PDZD9: variants seen among roughly 807,000 people sequenced by gnomAD.
PDZD9 encodes the protein PDZ domain containing 9.
PDZD9 carries 13 observed loss-of-function variants against 16.3 expected under a neutral mutation model. The observed-to-expected ratio is 0.80, with a 90% CI of 0.52 to 1.27. The LOEUF (loss-of-function observed/expected upper bound fraction) is 1.27, where lower values mean the gene tolerates loss of function less well. Among genes scored for constraint, PDZD9 ranks in the 50% most tolerant of loss-of-function variants. The probability of loss-of-function intolerance (pLI) is 0.00; values close to 1 mark genes in which losing one functional copy is unlikely to be tolerated. For missense variants in PDZD9, 288 were observed against 310.9 expected (o/e 0.93, Z 0.55); for synonymous variants, 120 against 111.0 (o/e 1.08, Z -0.51).
the PDZD9 span, chr16:21,962,969 C>T: frequency 6.9e-7 from 1 of 1,459,366 alleles, no homozygotes; most frequent in East Asian, 2.4e-5. Context: ...AAATTGCTGT[C>T]AAAATTTTTA....
the PDZD9 span, chr16:21,962,350 T>C: frequency 5.9e-6 from 8 of 1,348,854 alleles, no homozygotes; most frequent in East Asian, 1.6e-4. Context: ...TGTTCGCACC[T>C]TTTATACTTC....
At chr16:21,963,082 G>A in the PDZD9 span, 2 of 507,266 alleles carry the variant, frequency 3.9e-6, no homozygotes, top group South Asian at 3.0e-5. Context: ...TCCAGCTCCC[G>A]GGTTCAAGCA....
Position 21,984,245 on chromosome 16 carries a change from T to C in PDZD9, c.*22A>G. The C allele has an allele frequency of 6.3e-7, 1 of 1,585,658 alleles. No homozygotes were observed. Among genetic ancestry groups the C allele is most frequent in the Non-Finnish European group, 8.6e-7 (1 of 1,163,944 alleles). Reference sequence around the variant, plus strand: ...AAAACTTGGGTGTCTGCAAGATAAATGCTCATATGACCACAGATTTGCTAA... The same window carrying C: ...AAAACTTGGGTGTCTGCAAGATAAACGCTCATATGACCACAGATTTGCTAA... On this transcript the variant is annotated 3_prime_UTR_variant, in exon 4 of 4. Transcript: ENST00000424898.
In PDZD9 at chr16:21,984,600, T is replaced by A. The variant is rs546439333; in HGVS notation, c.462A>T (p.Glu154Asp). ...GAAGTCTTTTATCTAAATCTACATT[T>A]TCATTATCATCACTGCTTGTGAAAG... ...DESFTSSDDN[E>D]NVDLDKRLQY... The change falls in exon 4 of 4, where the codon GAA becomes GAT. Residue 154 changes from glutamate to aspartate, a missense_variant. Transcript: ENST00000424898. 1 of 1,547,508 alleles carries A rather than the reference T, an allele frequency of 6.5e-7. No individual in the cohort carries two copies. The highest frequency in any genetic ancestry group is 1.2e-5 in the South Asian group (1 of 80,450).
intron 1 of PDZD9, among the ~76,000 whole-genome samples, chr16:22,000,183 G>A (rs1005993066): frequency 2.6e-5 from 4 of 152,104 alleles, no homozygotes; most frequent in Non-Finnish European, 4.4e-5. Flanking sequence ...CAGCCTGAGC[G>A]ACAGAACAAG....
downstream of PDZD9, among the ~76,000 whole-genome samples, chr16:21,982,484 T>C (rs1898756977): frequency 1.3e-5 from 2 of 152,204 alleles, no homozygotes; most frequent in Non-Finnish European, 2.9e-5. Context: ...AGTGTCAGTG[T>C]TGTTTTCCTT....
downstream of PDZD9, chr16:21,980,177 C>A: frequency 4.7e-6 from 1 of 210,930 alleles, no homozygotes; most frequent in Non-Finnish European, 9.9e-6. Flanking sequence ...GAGCATGCTG[C>A]GACTGGCCAG....
chr16:21,994,328 G>A lies in PDZD9; in HGVS notation c.211+1994C>T, dbSNP rs140910324. ...GCCCAGGGTCACAGAACTAAAAAGT[G>A]TCAGACCCTGAGCCTGAATCAGGAC... On this transcript the variant is annotated intron_variant, in intron 2 of 3. Transcript: ENST00000424898. 1.4e-3 allele frequency among the ~76,000 whole-genome samples: 212 copies of A among 152,352 alleles called. 2 individuals are homozygous for A. The highest frequency in any genetic ancestry group is 3.4e-3 in the Middle Eastern group (1 of 294).
In PDZD9 at chr16:21,984,658, G is replaced by C; in HGVS notation, c.404C>G (p.Thr135Arg). Reference sequence around the variant, plus strand: ...TTTTGCCAGCTCAATTTTCTTTGGTGTGCTGAAATGAAAAGAATAGTGAAT... The same window carrying C: ...TTTTGCCAGCTCAATTTTCTTTGGTCTGCTGAAATGAAAAGAATAGTGAAT... ...IPEAKFPVTS[T>R]PKKIELAKDE... Residue 135 changes from threonine (T) to arginine (R), a missense_variant and splice_region_variant, in exon 4 of 4, where the codon ACA becomes AGA. Coordinates refer to ENST00000424898, the MANE Select transcript of PDZD9 (RefSeq NM_001363519.1). 6.7e-7 allele frequency: 1 copy of C among 1,498,194 alleles called. No individual in the cohort carries two copies. The highest frequency in any genetic ancestry group is 8.9e-7 in the Non-Finnish European group (1 of 1,123,254). 92.8% of individuals were successfully genotyped at this position (1,498,194 alleles called of 1,614,324 possible). A position where few individuals can be genotyped will look rare whatever the true frequency, so the allele number is the denominator to read the frequency against.
intron 1 of PDZD9, chr16:21,999,650 C>T (rs949552413): frequency 6.6e-6 from 1 of 152,318 alleles, no homozygotes; most frequent in Non-Finnish European, 1.5e-5. Context: ...AAGAATTGCT[C>T]AGTGCAGGAG....
chr16:21,968,743 CTG>C, the PDZD9 span: 10 of 1,491,990 alleles, frequency 6.7e-6, no homozygotes, highest in Admixed American at 2.0e-5. Flanking sequence ...GTTCCTTAAA[CTG>C]TAATTACGTG....
chr16:21,968,489 C>T, the PDZD9 span: 1 of 592,630 alleles, frequency 1.7e-6, no homozygotes, highest in Non-Finnish European at 2.8e-6. Flanking sequence ...TAATTCACCT[C>T]AGTTAGTACC....
intron 2 of PDZD9, among the ~76,000 whole-genome samples, chr16:21,995,691 G>A (rs1899131528): frequency 6.6e-6 from 1 of 152,040 alleles, no homozygotes; most frequent in South Asian, 2.1e-4. Flanking sequence ...TCCGCCTCCC[G>A]GGTTCAAGAG....
intron 1 of PDZD9, among the ~76,000 whole-genome samples, chr16:22,000,685 A>G (rs1899272459): frequency 6.6e-6 from 1 of 152,092 alleles, no homozygotes; most frequent in South Asian, 2.1e-4. Context: ...TTAGCTGGGC[A>G]TGGTGGCAGG....
intron 2 of PDZD9, among the ~76,000 whole-genome samples, chr16:21,990,461 C>T (rs561861875): frequency 4.6e-5 from 7 of 152,200 alleles, no homozygotes; most frequent in Non-Finnish European, 7.3e-5. Flanking sequence ...AACAAAAGTT[C>T]CCAGAATTCC....
At chr16:21,980,772 A>G (rs1200680620), downstream of PDZD9, 1 of 1,538,788 alleles carries the variant, frequency 6.5e-7, no homozygotes, top group Non-Finnish European at 8.9e-7. Flanking sequence ...AGAAGGATGC[A>G]TAAGCGTCCT....
At chr16:21,990,231 G>A (rs1898990060) in intron 2 of PDZD9, among the ~76,000 whole-genome samples, 1 of 152,078 alleles carries the variant, frequency 6.6e-6, no homozygotes, top group Non-Finnish European at 1.5e-5. Context: ...GCTCACATTG[G>A]GCAAAATCTT....
At chr16:21,994,028 A>T (rs975283118) in intron 2 of PDZD9, among the ~76,000 whole-genome samples, 2 of 151,222 alleles carry the variant, frequency 1.3e-5, no homozygotes, top group Non-Finnish European at 2.9e-5. Flanking sequence ...TCTACAAAAA[A>T]ATAAAAAATA....
downstream of PDZD9, chr16:21,983,080 C>T (rs771748561): frequency 6.2e-7 from 1 of 1,607,580 alleles, no homozygotes; most frequent in Non-Finnish European, 8.5e-7. Context: ...TTGTTTGTTT[C>T]TTTAAAGGCG....
Sources: allele counts gnomAD v4.1 joint callset (sites outside exome capture counted in the v4.1 genomes callset), GRCh38; gene constraint gnomAD v4.1.1; transcripts MANE v1.5; gene names NCBI Gene and HGNC (gene_info 2026-07-23, HGNC 2026-07-21).